Variants in MIDEAS observed in about 807,000 individuals in gnomAD.
The protein encoded by MIDEAS is mitotic deacetylase associated SANT domain protein.
A neutral mutation model predicts 102.7 loss-of-function variants in MIDEAS; 26 were observed. The observed-to-expected ratio is 0.25, with a 90% confidence interval of 0.19 to 0.35. The LOEUF is 0.35. Among genes scored for constraint, MIDEAS ranks in the 10% least tolerant of loss-of-function variants. MIDEAS has a pLI of 1.00. For missense variants in MIDEAS, 1,231 were observed against 1,435.6 expected (o/e 0.86, Z 2.30); for synonymous variants, 585 against 591.0 (o/e 0.99, Z 0.15).
chr14:73,721,298 G>C lies in MIDEAS; in HGVS notation c.2936C>G (p.Ser979Trp), dbSNP rs367637105. 2.5e-6 allele frequency: 4 copies of C among 1,612,188 alleles called. No homozygotes were observed. The highest frequency in any genetic ancestry group is 3.4e-6 in the Non-Finnish European group (4 of 1,179,994). Reference protein sequence around the residue: ...KATQTLQANESASDILILRSH... With the variant: ...KATQTLQANEWASDILILRSH... ...TCAGCCCATGGTGGTCACACTCACCGACTCATTGGCCTGTAGTGTCTGCGT... is the reference window on the plus strand; with the variant it reads ...TCAGCCCATGGTGGTCACACTCACCCACTCATTGGCCTGTAGTGTCTGCGT... The change falls in exon 11 of 13, where the codon TCG (serine) becomes TGG (tryptophan). Residue 979 changes from serine (S) to tryptophan (W), a missense_variant and splice_region_variant. Around this residue, in one of 5 missense-constraint regions of MIDEAS, gnomAD observed 391 missense variants for 483.0 expected, o/e 0.81. Coordinates refer to ENST00000423556, the MANE Select transcript of MIDEAS (RefSeq NM_001367710.1).
upstream of MIDEAS, among the ~76,000 whole-genome samples, chr14:73,762,172 GC>G (rs888275807): frequency 6.6e-6 from 1 of 152,052 alleles, no homozygotes; most frequent in African/African-American, 2.4e-5. Flanking sequence ...CCTTAGGCCA[GC>G]CCAGAGTGAG....
chr14:73,744,292 G>A (rs2053321237), intron 1 of MIDEAS, among the ~76,000 whole-genome samples: 1 of 152,224 alleles, frequency 6.6e-6, no homozygotes, highest in South Asian at 2.1e-4. Context: ...GGGCCAGACT[G>A]TGGCCACTGT....
In MIDEAS at chr14:73,740,144, A is replaced by G. The variant is rs758772; in HGVS notation, c.-136T>C. On this transcript the variant is annotated 5_prime_UTR_variant, in exon 2 of 13. Transcript: ENST00000423556. ...GCAGGGGCAGAGGAAGACGCTGGAC[A>G]GTGAGGTCGGACACTGGGAGAAAGA... The G allele has an allele frequency of 0.19, 215,615 of 1,154,046 alleles. 21,249 individuals are homozygous for G. Among genetic ancestry groups the G allele is most frequent in the South Asian group, 0.26 (8,518 of 33,040 alleles). 71.5% of individuals were successfully genotyped at this position (1,154,046 alleles called of 1,614,324 possible).
intron 1 of MIDEAS, among the ~76,000 whole-genome samples, chr14:73,750,089 T>A (rs1566598641): frequency 1.3e-5 from 2 of 152,176 alleles, no homozygotes; most frequent in African/African-American, 4.8e-5. Flanking sequence ...AAAAGACAGA[T>A]CCTTCCCAAA....
upstream of MIDEAS, among the ~76,000 whole-genome samples, chr14:73,761,774 C>T (rs2053557275): frequency 6.6e-6 from 1 of 152,118 alleles, no homozygotes; most frequent in Non-Finnish European, 1.5e-5. Flanking sequence ...CCTGAAGAGC[C>T]CTGCATGTGA....
intron 1 of MIDEAS, among the ~76,000 whole-genome samples, chr14:73,779,574 T>TTA (rs1555346270): frequency 7.5e-5 from 8 of 107,232 alleles, no homozygotes; most frequent in Admixed American, 4.7e-4. Flanking sequence ...ATTATTATTA[T>TTA]TTTTTTTTTT....
At chr14:73,749,164 A>G (rs1348317673) in intron 1 of MIDEAS, among the ~76,000 whole-genome samples, 1 of 152,204 alleles carries the variant, frequency 6.6e-6, no homozygotes, top group Non-Finnish European at 1.5e-5. Flanking sequence ...TAACAACAGC[A>G]AAATACACAC....
chr14:73,781,042 T>G (rs2053751994), intron 1 of MIDEAS, among the ~76,000 whole-genome samples: 1 of 152,158 alleles, frequency 6.6e-6, no homozygotes, highest in Admixed American at 6.5e-5. Context: ...ATAGACCTGC[T>G]GAAACTGACG....
At position 73,768,511 on chromosome 14, in the gene MIDEAS, CTTTTT is replaced by C. The variant is rs59819061; in HGVS notation, c.-248+18586_-248+18590del. 8.6e-3 allele frequency among the ~76,000 whole-genome samples: 1,187 copies of C among 138,376 alleles called. 8 individuals are homozygous for C. Among genetic ancestry groups the C allele is most frequent in the African/African-American group, 0.031 (1,086 of 35,306 alleles). The allele number at this position is 138,376 out of a possible 152,430, so 90.8% of individuals were successfully genotyped here. The stretch of plus-strand genomic sequence containing the variant: ...TTATTTTAACTGAATTTATTGCCAA[CTTTTT>C]TTTTTTTTTTTTTTTTTGAGACACA... On this transcript the variant is annotated intron_variant, in intron 1 of 11. Transcript: ENST00000394071.
Position 73,727,850 on chromosome 14 carries a change from C to T in MIDEAS, c.2096-326G>A, listed in dbSNP as rs191512185. The T allele has an allele frequency of 2.1e-3, 512 of 244,302 alleles. 2 individuals carry two copies. The highest frequency in any genetic ancestry group is 0.011 in the African/African-American group (481 of 44,004). The allele number at this position is 244,302 out of a possible 1,614,324, so 15.1% of individuals were successfully genotyped here. On this transcript the variant is annotated intron_variant, in intron 4 of 12. Coordinates refer to ENST00000423556, the MANE Select transcript of MIDEAS (RefSeq NM_001367710.1). ...TTATTACTGCTTCTACTACCAAAGC[C>T]ATATCCTTGCCCCCAGAAGCTCCAA...
chr14:73,732,480 C>T (rs1042227098), intron 3 of MIDEAS, among the ~76,000 whole-genome samples: 1 of 152,150 alleles, frequency 6.6e-6, no homozygotes, highest in South Asian at 2.1e-4. Context: ...ATTTAAGGAA[C>T]TGACACAATA....
rs186151708 is a variant in MIDEAS at position 73,737,343 on chromosome 14, G to A, written c.1450-46C>T. On this transcript the variant is annotated intron_variant, in intron 2 of 12. Transcript: ENST00000423556. ...AGTGCAATTTAAAAGGTAAGTCATA[G>A]CCAGGCGCAGTGGCTCACGCCTATA... 1.9e-5 allele frequency: 30 copies of A among 1,568,562 alleles called. No homozygotes were observed. In the Admixed American group the frequency reaches 4.4e-4, roughly 23 times the overall value.
intron 10 of MIDEAS, 79 bp downstream of exon 10, chr14:73,722,619 T>G (rs1450541730): frequency 1.3e-6 from 2 of 1,545,886 alleles, no homozygotes; most frequent in African/African-American, 1.4e-5. Context: ...CCTGGAGAGC[T>G]CGGGCTCGGG....
Position 73,739,083 on chromosome 14 carries a change from T to A in MIDEAS, c.926A>T (p.Tyr309Phe). 6.3e-7 allele frequency: 1 copy of A among 1,581,776 alleles called. No homozygotes were observed. The highest frequency in any genetic ancestry group is 8.6e-7 in the Non-Finnish European group (1 of 1,161,192). Reference protein sequence around the residue: ...SHLAHHSMAPYPFPPNPDMNP... With the variant: ...SHLAHHSMAPFPFPPNPDMNP... ...CATATCTGGGTTGGGGGGGAAGGGG[T>A]AGGGTGCCATGCTGTGGTGAGCCAG... The change falls in exon 2 of 13, where the codon TAC becomes TTC. Residue 309 changes from tyrosine to phenylalanine, a missense_variant. Tyr to Phe is a conservative substitution (Grantham distance 22). Coordinates refer to ENST00000423556, the MANE Select transcript of MIDEAS (RefSeq NM_001367710.1).
intron 5 of MIDEAS, 22 bp downstream of exon 5, chr14:73,727,436 C>T: frequency 1.2e-6 from 2 of 1,613,788 alleles, no homozygotes; most frequent in South Asian, 2.2e-5. Flanking sequence ...CACCCCTCGG[C>T]CAGGGGCAGG....
chr14:73,756,291 T>TGCGC (rs769614163), intron 1 of MIDEAS, among the ~76,000 whole-genome samples: 122 of 75,834 alleles, frequency 1.6e-3, no homozygotes, highest in Non-Finnish European at 2.0e-3. Flanking sequence ...TGTGTGTGTG[T>TGCGC]GTGTGCGCGC....
chr14:73,769,902 G>GTTTTTT (rs796246766), intron 1 of MIDEAS, among the ~76,000 whole-genome samples: 2 of 109,810 alleles, frequency 1.8e-5, no homozygotes, highest in Non-Finnish European at 3.6e-5. Flanking sequence ...GCCCGGCTGG[G>GTTTTTT]TTTTTTTTTT....
intron 1 of MIDEAS, among the ~76,000 whole-genome samples, chr14:73,748,009 C>G (rs1019668539): frequency 3.9e-5 from 6 of 152,184 alleles, no homozygotes; most frequent in African/African-American, 9.7e-5. Flanking sequence ...ATTTGCCAGG[C>G]ACTGTGCTAA....
intron 1 of MIDEAS, among the ~76,000 whole-genome samples, chr14:73,757,730 CT>C (rs1190487772): frequency 6.6e-6 from 1 of 152,200 alleles, no homozygotes; most frequent in Non-Finnish European, 1.5e-5. Context: ...CTTGGCACCC[CT>C]GGGCAGCCTT....
Sources: allele counts gnomAD v4.1 joint callset (sites outside exome capture counted in the v4.1 genomes callset), GRCh38; gene constraint gnomAD v4.1.1; regional missense constraint gnomAD v4.1.1; transcripts MANE v1.5; gene names NCBI Gene and HGNC (gene_info 2026-07-23, HGNC 2026-07-21).